The following FAM222A variants were observed in gnomAD, a reference collection of about 807,000 sequenced individuals.
FAM222A encodes family with sequence similarity 222 member A.
In FAM222A, 7 loss-of-function variants were observed where a neutral mutation model predicts 25.8. The observed-to-expected ratio is 0.27, with a 90% CI of 0.15 to 0.51. The LOEUF is 0.51. Among genes scored for constraint, FAM222A ranks in the 20% least tolerant of loss-of-function variants. The probability of loss-of-function intolerance (pLI) is 0.97; values close to 1 mark genes in which losing one functional copy is unlikely to be tolerated. For synonymous variants in FAM222A, 294 were observed against 298.8 expected (o/e 0.98, Z 0.17); for missense variants, 573 against 640.5 (o/e 0.89, Z 1.14).
chr12:109,746,903 G>A lies in FAM222A; in HGVS notation c.82+2675G>A, dbSNP rs1318079561. The stretch of plus-strand genomic sequence containing the variant: ...GTTGCAGCATGTGTATATCCAGGTC[G>A]AGTAGCCCTTATCAGAAATGCTTGA... On this transcript the variant is annotated intron_variant, in intron 2 of 2. Coordinates refer to ENST00000538780, the MANE Select transcript of FAM222A (RefSeq NM_032829.3). Among the ~76,000 whole-genome samples, 3 of 152,118 alleles carry A rather than the reference G, an allele frequency of 2.0e-5. No individual in the cohort carries two copies. The South Asian group carries it at 6.2e-4, about 32-fold the overall frequency.
rs1214265378 is a variant in FAM222A, at chr12:109,768,085, G to C, written c.156G>C (p.Lys52Asn). 1.2e-6 allele frequency: 2 copies of C among 1,613,910 alleles called. No homozygotes were observed. The highest frequency in any genetic ancestry group is 1.7e-6 in the Non-Finnish European group (2 of 1,180,014). ...CAGAACTGGACGCCTATGCCGAGAA[G>C]GTGGCCAACAGCCCGCTGTCCATCA... is the stretch of plus-strand genomic sequence containing the variant. The part of the protein sequence containing the change: ...SPAELDAYAE[K>N]VANSPLSIKI... Residue 52 changes from lysine (K) to asparagine (N), a missense_variant, in exon 3 of 3, where the codon AAG (lysine) becomes AAC (asparagine). Around this residue, in one of 3 missense-constraint regions of FAM222A, gnomAD observed 112 missense variants for 154.6 expected, o/e 0.72. Coordinates refer to ENST00000538780, the MANE Select transcript of FAM222A (RefSeq NM_032829.3).
At position 109,714,236 on chromosome 12, in the gene FAM222A, G is replaced by T. The variant is rs1887593087; in HGVS notation, c.-708G>T. 4.8e-6 allele frequency: 1 copy of T among 206,698 alleles called. No homozygotes were observed. The allele number at this position is 206,698 out of a possible 1,614,324, so 12.8% of individuals were successfully genotyped here. On this transcript the variant is annotated 5_prime_UTR_variant, in exon 1 of 3. Coordinates refer to ENST00000538780, the MANE Select transcript of FAM222A (RefSeq NM_032829.3). The surrounding 1 kb of genome is among the most constrained non-coding windows in gnomAD (Gnocchi z 4.2). ...GCCGCCGCTGCCGCCGCCGCTGTTC[G>T]CCGGCTTCCCCTCCCCCCACACCCG... is the stretch of plus-strand genomic sequence containing the variant.
chr12:109,742,748 G>A (rs902043140), intron 1 of FAM222A, among the ~76,000 whole-genome samples: 6 of 152,058 alleles, frequency 3.9e-5, no homozygotes, highest in Admixed American at 2.6e-4. Flanking sequence ...GTGGTTACGC[G>A]ATTGTCTTTC....
At position 109,768,532 on chromosome 12, in the gene FAM222A, C is replaced by T. The variant is rs1478567217; in HGVS notation, c.603C>T (p.Ser201=). The T allele has an allele frequency of 3.7e-6, 6 of 1,603,760 alleles. No individual in the cohort carries two copies. The highest frequency in any genetic ancestry group is 1.3e-5 in the African/African-American group (1 of 74,764). Residue 201 remains serine, a synonymous_variant, in exon 3 of 3, where the codon AGC becomes AGT. Coordinates refer to ENST00000538780, the MANE Select transcript of FAM222A (RefSeq NM_032829.3). ...LPPSNLPSIH[S]LLYQLNQQCQ... ...CTTCCAACCTGCCCTCCATCCACAG[C>T]CTCCTGTACCAGCTCAACCAGCAGT...
chr12:109,752,387 C>T (rs1307620932), intron 2 of FAM222A, among the ~76,000 whole-genome samples: 2 of 152,270 alleles, frequency 1.3e-5, no homozygotes, highest in African/African-American at 4.8e-5. Flanking sequence ...CTGCTGCTGC[C>T]AATCAGTGCC....
intron 2 of FAM222A, among the ~76,000 whole-genome samples, chr12:109,767,155 C>T (rs1192076619): frequency 6.6e-6 from 1 of 150,552 alleles, no homozygotes; most frequent in Non-Finnish European, 1.5e-5. Flanking sequence ...GCGATCCTTC[C>T]ACTTCAGCTT....
intron 2 of FAM222A, among the ~76,000 whole-genome samples, chr12:109,764,812 G>A (rs915877262): frequency 4.6e-5 from 7 of 152,148 alleles, no homozygotes; most frequent in African/African-American, 1.7e-4. Context: ...TCCGAGTGGC[G>A]CTAAGTGCCC....
At chr12:109,744,416 C>G (rs908411234) in intron 2 of FAM222A, 188 bp downstream of exon 2, 2 of 985,362 alleles carry the variant, frequency 2.0e-6, no homozygotes, top group Non-Finnish European at 2.4e-6. Flanking sequence ...CTCCTTTGGC[C>G]AGCTCCTGTG....
At chr12:109,742,646 A>G (rs1888278038) in intron 1 of FAM222A, among the ~76,000 whole-genome samples, 1 of 150,968 alleles carries the variant, frequency 6.6e-6, no homozygotes, top group Non-Finnish European at 1.5e-5. Context: ...AATAGGAGAA[A>G]ATTGGTTTTG....
Position 109,755,287 on chromosome 12 carries a change from C to CTTTTTTT in FAM222A, c.82+11095_82+11101dup, listed in dbSNP as rs540689300. Among the ~76,000 whole-genome samples, 17 of 49,426 alleles carry CTTTTTTT rather than the reference C, an allele frequency of 3.4e-4. 1 individual carries two copies. Among genetic ancestry groups the CTTTTTTT allele is most frequent in the Non-Finnish European group, 3.4e-4 (10 of 29,156 alleles). 32.4% of individuals were successfully genotyped at this position (49,426 alleles called of 152,430 possible). A position where few individuals can be genotyped will look rare whatever the true frequency, so the allele number is the denominator to read the frequency against. On this transcript the variant is annotated intron_variant, in intron 2 of 2. Coordinates refer to ENST00000538780, the MANE Select transcript of FAM222A (RefSeq NM_032829.3). ...TCTTCCATTTAGGTCTGTAATTCTT[C>CTTTTTTT]TTTTTTTTTTTTTTTTTTTTTTTTT...
At chr12:109,749,701 G>A (rs1888507040) in intron 2 of FAM222A, among the ~76,000 whole-genome samples, 1 of 152,170 alleles carries the variant, frequency 6.6e-6, no homozygotes, top group South Asian at 2.1e-4. Context: ...ACATGTTCCT[G>A]TCTATGTCTT....
chr12:109,740,648 G>A (rs1888214150), intron 1 of FAM222A, among the ~76,000 whole-genome samples: 1 of 152,144 alleles, frequency 6.6e-6, no homozygotes, highest in Non-Finnish European at 1.5e-5. Flanking sequence ...GGGACGCTTG[G>A]CTTCTCTGGG....
Position 109,769,460 on chromosome 12 carries a change from G to A in FAM222A, c.*172G>A. On this transcript the variant is annotated 3_prime_UTR_variant, in exon 3 of 3. Coordinates refer to ENST00000538780, the MANE Select transcript of FAM222A (RefSeq NM_032829.3). ...CTGTGGCCGGATGGAGGGTGGCAGGGCAACCTCACATACCAAGGCCCCTCC... is the reference window on the plus strand; with the variant it reads ...CTGTGGCCGGATGGAGGGTGGCAGGACAACCTCACATACCAAGGCCCCTCC... The A allele has an allele frequency of 1.3e-6, 1 of 796,944 alleles. No individual in the cohort carries two copies. Among genetic ancestry groups the A allele is most frequent in the Non-Finnish European group, 1.9e-6 (1 of 516,972 alleles). 49.4% of individuals were successfully genotyped at this position (796,944 alleles called of 1,614,324 possible). A position where few individuals can be genotyped will look rare whatever the true frequency, so the allele number is the denominator to read the frequency against.
rs1350550663 is a variant in FAM222A, at chr12:109,768,946, C to T, written c.1017C>T (p.Phe339=). ...GTGGCGTGGGGCTGCCCACCAGCTT[C>T]ACCGTAGGCCAGTACTTTGCGGCCC... is the stretch of plus-strand genomic sequence containing the variant. The part of the protein sequence containing the change: ...LNCGVGLPTS[F]TVGQYFAAPW... The change falls in exon 3 of 3, where the codon TTC becomes TTT. Residue 339 remains phenylalanine (F), a synonymous_variant. Coordinates refer to ENST00000538780, the MANE Select transcript of FAM222A (RefSeq NM_032829.3). The T allele has an allele frequency of 1.3e-6, 2 of 1,573,610 alleles. No homozygotes were observed. Among genetic ancestry groups the T allele is most frequent in the South Asian group, 1.1e-5 (1 of 87,240 alleles).
chr12:109,766,553 G>T (rs59784455), intron 2 of FAM222A, among the ~76,000 whole-genome samples: 5 of 152,362 alleles, frequency 3.3e-5, no homozygotes, highest in African/African-American at 1.2e-4. Context: ...CCGTGTTCAC[G>T]TAGTAGCACA....
chr12:109,721,265 T>C (rs1490985268), intron 1 of FAM222A, among the ~76,000 whole-genome samples: 1 of 152,178 alleles, frequency 6.6e-6, no homozygotes, highest in Non-Finnish European at 1.5e-5. Context: ...GTACTGGGCA[T>C]GGTAGGATCC....
In FAM222A at chr12:109,769,020, C is replaced by T. The variant is rs377710576; in HGVS notation, c.1091C>T (p.Ala364Val). The change falls in exon 3 of 3, where the codon GCG (alanine) becomes GTG (valine). Residue 364 changes from alanine to valine, a missense_variant. By Grantham distance (64) the Ala-to-Val change is moderately conservative (BLOSUM62 0). This residue lies in a region of FAM222A where 412 missense variants were observed against 407.0 expected (regional missense o/e 1.01). Coordinates refer to ENST00000538780, the MANE Select transcript of FAM222A (RefSeq NM_032829.3). ...CCCACCAGCGACTGCTACAACCCAG[C>T]GGCGGCGGTGGTGGTCACGGAGCTG... ...VTPTSDCYNP[A>V]AAVVVTELGP... The T allele has an allele frequency of 2.9e-4, 462 of 1,579,796 alleles. 2 individuals carry two copies. Among genetic ancestry groups the T allele is most frequent in the Middle Eastern group, 1.7e-3 (10 of 6,026 alleles).
chr12:109,766,868 A>G (rs1889065254), intron 2 of FAM222A, among the ~76,000 whole-genome samples: 2 of 152,004 alleles, frequency 1.3e-5, no homozygotes, highest in African/African-American at 4.8e-5. Context: ...AGAACTCTGC[A>G]TGCACTAGGG....
intron 2 of FAM222A, among the ~76,000 whole-genome samples, chr12:109,755,122 G>A (rs1888681938): frequency 6.6e-6 from 1 of 152,098 alleles, no homozygotes; most frequent in South Asian, 2.1e-4. Context: ...ATCCTTTGAA[G>A]CACAAAAGTT....
Sources: allele counts gnomAD v4.1 joint callset (sites outside exome capture counted in the v4.1 genomes callset), GRCh38; gene constraint gnomAD v4.1.1; regional missense constraint gnomAD v4.1.1; non-coding constraint Gnocchi (gnomAD v3.1); transcripts MANE v1.5; gene names NCBI Gene and HGNC (gene_info 2026-07-23, HGNC 2026-07-21).